INPP4A: variants seen among roughly 807,000 people sequenced by gnomAD.
INPP4A encodes inositol polyphosphate-4-phosphatase type I A, also known as inositol polyphosphate-4-phosphatase, type I, 107kD.
A neutral mutation model predicts 119.8 loss-of-function variants in INPP4A; 33 were observed. That is an observed-to-expected ratio of 0.28 (90% CI 0.21 to 0.37). The LOEUF (loss-of-function observed/expected upper bound fraction) is 0.37, where lower values mean the gene tolerates loss of function less well. Among genes scored for constraint, INPP4A ranks in the 10% least tolerant of loss-of-function variants. The probability of loss-of-function intolerance (pLI) is 1.00; values close to 1 mark genes in which losing one functional copy is unlikely to be tolerated. For missense variants in INPP4A, 956 were observed against 1,289.9 expected, an observed-to-expected ratio of 0.74 and a Z score of 3.97; for synonymous variants, 496 against 500.7, an observed-to-expected ratio of 0.99 and a Z score of 0.12.
intron 19 of INPP4A, 139 bp downstream of exon 19, chr2:98,564,902 C>T: frequency 1.9e-6 from 2 of 1,051,076 alleles, no homozygotes; most frequent in East Asian, 2.6e-5. Context: ...GACCAGATGG[C>T]AGACCTGGCA....
chr2:98,579,190 C>T (rs1298777346), intron 24 of INPP4A, among the ~76,000 whole-genome samples: 1 of 152,068 alleles, frequency 6.6e-6, no homozygotes. Context: ...GCTGGGATTA[C>T]AGATGCCCAC....
chr2:98,451,198 T>TGCCA (rs977276204), intron 1 of INPP4A, among the ~76,000 whole-genome samples: 4 of 152,328 alleles, frequency 2.6e-5, no homozygotes, highest in Non-Finnish European at 4.4e-5. Context: ...GGCCCAGGCC[T>TGCCA]GCCAGCCAGC....
At chr2:98,529,455 G>A (rs1475389327) in intron 4 of INPP4A, among the ~76,000 whole-genome samples, 1 of 152,118 alleles carries the variant, frequency 6.6e-6, no homozygotes, top group Non-Finnish European at 1.5e-5. Context: ...CACAGAATTG[G>A]GCTGGGCGCA....
At chr2:98,464,833 C>T (rs1328580831) in intron 1 of INPP4A, among the ~76,000 whole-genome samples, 1 of 152,164 alleles carries the variant, frequency 6.6e-6, no homozygotes, top group African/African-American at 2.4e-5. Context: ...TGTGACAAGC[C>T]GAGAGTCCTT....
chr2:98,500,740 A>C (rs763109580), intron 1 of INPP4A, among the ~76,000 whole-genome samples: 1 of 152,194 alleles, frequency 6.6e-6, no homozygotes, highest in Non-Finnish European at 1.5e-5. Context: ...CACCTAGGGA[A>C]TGGTGGTAGA....
rs560296984 is a variant in INPP4A at position 98,590,713 on chromosome 2, C to A, written c.*3105C>A. 1 of 219,362 alleles carries A rather than the reference C, an allele frequency of 4.6e-6. No individual in the cohort carries two copies. The highest frequency in any genetic ancestry group is 9.1e-6 in the Non-Finnish European group (1 of 109,450). The allele number at this position is 219,362 out of a possible 1,614,324, so 13.6% of individuals were successfully genotyped here. A position where few individuals can be genotyped will look rare whatever the true frequency, so the allele number is the denominator to read the frequency against. The stretch of plus-strand genomic sequence containing the variant: ...ACCACTGTGCCGTCTTCTAGGCACA[C>A]ACGACCCGTTATCTCCCTTGGAAAA... On this transcript the variant is annotated 3_prime_UTR_variant, in exon 25 of 25. Transcript: ENST00000409851.
chr2:98,525,100 G>A (rs899308573), intron 4 of INPP4A, among the ~76,000 whole-genome samples: 3 of 152,106 alleles, frequency 2.0e-5, no homozygotes, highest in Non-Finnish European at 4.4e-5. Context: ...TTGCTCATTC[G>A]CGTTGTTGGC....
intron 24 of INPP4A, among the ~76,000 whole-genome samples, chr2:98,581,039 G>C (rs1699225139): frequency 1.3e-5 from 2 of 152,222 alleles, no homozygotes; most frequent in Admixed American, 1.3e-4. Flanking sequence ...GCGCTTGGTT[G>C]GTTGGTACCT....
chr2:98,536,631 C>T (rs979386779), intron 7 of INPP4A, among the ~76,000 whole-genome samples: 1 of 152,160 alleles, frequency 6.6e-6, no homozygotes, highest in African/African-American at 2.4e-5. Context: ...AAGGGAAACG[C>T]CCACTGTCTC....
chr2:98,448,119 GC>G (rs1694554668), intron 1 of INPP4A, among the ~76,000 whole-genome samples: 1 of 151,508 alleles, frequency 6.6e-6, no homozygotes. Context: ...AATTTGGGAG[GC>G]TGAGGTGGGA....
At chr2:98,518,613 G>C (rs1686594034) in intron 1 of INPP4A, among the ~76,000 whole-genome samples, 2 of 152,198 alleles carry the variant, frequency 1.3e-5, no homozygotes, top group South Asian at 4.1e-4. Flanking sequence ...CTGAAGGGCA[G>C]GGCCTTAAGA....
At chr2:98,518,744 C>G (rs72935481) in intron 1 of INPP4A, among the ~76,000 whole-genome samples, 1 of 152,198 alleles carries the variant, frequency 6.6e-6, no homozygotes. Flanking sequence ...CCAGACTCCC[C>G]CAGCAGATCA....
chr2:98,520,091 C>T lies in INPP4A; in HGVS notation c.43C>T (p.Arg15Cys), dbSNP rs542695419. Residue 15 changes from arginine (R) to cysteine (C), a missense_variant, in exon 3 of 25, where the codon CGT (arginine) becomes TGT (cysteine). Arg to Cys is a radical substitution (Grantham distance 180, BLOSUM62 -3). Around this residue, in one of 2 missense-constraint regions of INPP4A, gnomAD observed 652 missense variants for 797.9 expected, o/e 0.82. Transcript: ENST00000409851. ...CAGCCCTCGCCATGGTGCCAGGGCCCGTGCAATGCAGCGGGCTTCCACCAT... is the reference window on the plus strand; with the variant it reads ...CAGCCCTCGCCATGGTGCCAGGGCCTGTGCAATGCAGCGGGCTTCCACCAT... ...EHSPRHGARARAMQRASTIDV... is the reference protein window; with the variant it reads ...EHSPRHGARACAMQRASTIDV... The T allele has an allele frequency of 6.3e-6, 10 of 1,581,210 alleles. No homozygotes were observed. The highest frequency in any genetic ancestry group is 4.6e-5 in the East Asian group (2 of 43,192).
chr2:98,514,584 A>G (rs1421769927), intron 1 of INPP4A, among the ~76,000 whole-genome samples: 1 of 151,964 alleles, frequency 6.6e-6, no homozygotes, highest in Non-Finnish European at 1.5e-5. Flanking sequence ...ATGGCCAGTG[A>G]TTTAGTTAAT....
At chr2:98,479,335 T>TA (rs1444407485) in intron 1 of INPP4A, among the ~76,000 whole-genome samples, 1 of 152,212 alleles carries the variant, frequency 6.6e-6, no homozygotes, top group Non-Finnish European at 1.5e-5. Flanking sequence ...CTTCGTGAGA[T>TA]ATCCCGAGGC....
chr2:98,451,098 C>G (rs894623138), intron 1 of INPP4A, among the ~76,000 whole-genome samples: 4 of 152,278 alleles, frequency 2.6e-5, no homozygotes, highest in Middle Eastern at 3.4e-3. Context: ...CATAGCCTGT[C>G]TGGGATTGGA....
intron 1 of INPP4A, among the ~76,000 whole-genome samples, chr2:98,489,261 C>T (rs1257956453): frequency 6.6e-6 from 1 of 151,894 alleles, no homozygotes; most frequent in African/African-American, 2.4e-5. Flanking sequence ...TCAGTGGATA[C>T]CAGGAGTTCA....
chr2:98,504,614 G>T (rs1263775514), intron 1 of INPP4A, among the ~76,000 whole-genome samples: 1 of 152,154 alleles, frequency 6.6e-6, no homozygotes, highest in Non-Finnish European at 1.5e-5. Context: ...TGTCTTCCCG[G>T]CATTTCATTG....
At chr2:98,459,250 C>G (rs1044643473) in intron 1 of INPP4A, among the ~76,000 whole-genome samples, 1 of 152,240 alleles carries the variant, frequency 6.6e-6, no homozygotes, top group African/African-American at 2.4e-5. Context: ...AATCAGCACT[C>G]TGATTGCCTC....
Sources: allele counts gnomAD v4.1 joint callset (sites outside exome capture counted in the v4.1 genomes callset), GRCh38; gene constraint gnomAD v4.1.1; regional missense constraint gnomAD v4.1.1; transcripts MANE v1.5; gene names NCBI Gene and HGNC (gene_info 2026-07-23, HGNC 2026-07-21).